The following WDR70 variants were observed in gnomAD, a reference collection of about 807,000 sequenced individuals.
WDR70 encodes the protein WD repeat domain 70, also known as WD repeat-containing protein 70.
A neutral mutation model predicts 88.6 loss-of-function variants in WDR70; 53 were observed. That is an observed-to-expected ratio of 0.60 (90% CI 0.48 to 0.75). The LOEUF (loss-of-function observed/expected upper bound fraction) is 0.75. Among genes scored for constraint, WDR70 ranks in the 30% least tolerant of loss-of-function variants. WDR70 has a pLI of 0.00. For missense variants in WDR70, 610 were observed against 823.2 expected, an observed-to-expected ratio of 0.74 and a Z score of 3.17; for synonymous variants, 280 against 270.0, an observed-to-expected ratio of 1.04 and a Z score of -0.36.
At chr5:37,393,400 C>T (rs911571024) in intron 4 of WDR70, among the ~76,000 whole-genome samples, 1 of 151,746 alleles carries the variant, frequency 6.6e-6, no homozygotes. Flanking sequence ...TTTTTATTTC[C>T]TCTAATAATT....
At chr5:37,392,570 A>G (rs1293120454) in intron 4 of WDR70, among the ~76,000 whole-genome samples, 1 of 152,134 alleles carries the variant, frequency 6.6e-6, no homozygotes, top group African/African-American at 2.4e-5. Context: ...GCTGGTCTCA[A>G]ACTCCTGACA....
chr5:37,559,247 T>C (rs1581392619), intron 9 of WDR70, among the ~76,000 whole-genome samples: 2 of 152,178 alleles, frequency 1.3e-5, no homozygotes, highest in Admixed American at 6.5e-5. Context: ...TGTGTATTCT[T>C]ATGCTACACT....
intron 9 of WDR70, among the ~76,000 whole-genome samples, chr5:37,576,207 T>G (rs1396630111): frequency 6.8e-6 from 1 of 146,920 alleles, no homozygotes; most frequent in East Asian, 2.1e-4. Flanking sequence ...AAGATTCTCC[T>G]CCATCTGGCT....
intron 8 of WDR70, among the ~76,000 whole-genome samples, chr5:37,510,386 A>G (rs1740689373): frequency 6.6e-6 from 1 of 152,198 alleles, no homozygotes. Flanking sequence ...TTTGAAAGTA[A>G]GTTGTAAACG....
intron 6 of WDR70, among the ~76,000 whole-genome samples, chr5:37,440,683 A>C (rs1205178399): frequency 6.6e-6 from 1 of 152,162 alleles, no homozygotes; most frequent in Non-Finnish European, 1.5e-5. Context: ...TACCTCCTTC[A>C]TATCGTTTTG....
In WDR70 at chr5:37,475,031, G is replaced by A. The variant is rs183370543; in HGVS notation, c.687-4803G>A. ...CCTCTCAGATTCCAGTGATTTTCAC[G>A]CCTGAGCCTCCCGAGTAGCTGGGAT... On this transcript the variant is annotated intron_variant, in intron 7 of 17. Coordinates refer to ENST00000265107, the MANE Select transcript of WDR70 (RefSeq NM_018034.4). Among the ~76,000 whole-genome samples, 681 of 151,210 alleles carry A rather than the reference G, an allele frequency of 4.5e-3. 3 individuals carry two copies. The highest frequency in any genetic ancestry group is 7.1e-3 in the Non-Finnish European group (484 of 67,852).
At chr5:37,751,283 G>A (rs554322724) in intron 17 of WDR70, among the ~76,000 whole-genome samples, 4 of 152,286 alleles carry the variant, frequency 2.6e-5, no homozygotes, top group African/African-American at 7.2e-5. Flanking sequence ...GCTGCTTTTC[G>A]AAATTTAAGA....
intron 5 of WDR70, among the ~76,000 whole-genome samples, chr5:37,427,153 G>C (rs557767108): frequency 9.2e-5 from 14 of 152,156 alleles, no homozygotes; most frequent in Non-Finnish European, 1.5e-4. Flanking sequence ...ACTTTGGGAG[G>C]CTGAGGCGGG....
chr5:37,396,312 C>A, intron 4 of WDR70, 63 bp from the exon 5 acceptor site: 1 of 1,467,092 alleles, frequency 6.8e-7, no homozygotes, highest in Non-Finnish European at 9.0e-7. Context: ...GAAATGAATA[C>A]TATTTCCAAA....
At chr5:37,705,053 A>G (rs184219373) in intron 13 of WDR70, among the ~76,000 whole-genome samples, 110 of 152,300 alleles carry the variant, frequency 7.2e-4, no homozygotes, top group African/African-American at 2.6e-3. Flanking sequence ...GTAAAAATAC[A>G]TAGAGATAAA....
intron 10 of WDR70, among the ~76,000 whole-genome samples, chr5:37,666,555 C>T (rs559943897): frequency 2.0e-5 from 3 of 152,126 alleles, no homozygotes; most frequent in African/African-American, 7.2e-5. Context: ...CTAATAGAAC[C>T]CACTATTCTA....
At chr5:37,611,381 G>A (rs1207452048) in intron 10 of WDR70, among the ~76,000 whole-genome samples, 1 of 151,896 alleles carries the variant, frequency 6.6e-6, no homozygotes, top group African/African-American at 2.4e-5. Flanking sequence ...TACTTTTATG[G>A]AGGTTCCCTA....
At chr5:37,404,031 GCA>G (rs1749280269) in intron 5 of WDR70, among the ~76,000 whole-genome samples, 1 of 152,120 alleles carries the variant, frequency 6.6e-6, no homozygotes, top group African/African-American at 2.4e-5. Context: ...GTGAACCTCT[GCA>G]CCCAGCTAAC....
chr5:37,620,010 T>A (rs1375765565), intron 10 of WDR70: 1 of 151,618 alleles, frequency 6.6e-6, no homozygotes. Context: ...TTCACAAATT[T>A]GCATGTCATT....
At chr5:37,414,012 G>A (rs1321873353) in intron 5 of WDR70, among the ~76,000 whole-genome samples, 1 of 151,834 alleles carries the variant, frequency 6.6e-6, no homozygotes, top group East Asian at 1.9e-4. Flanking sequence ...AGGCGTGGTA[G>A]TGCATGCTTG....
intron 5 of WDR70, among the ~76,000 whole-genome samples, chr5:37,410,081 A>G (rs1344273066): frequency 6.6e-6 from 1 of 150,694 alleles, no homozygotes; most frequent in East Asian, 1.9e-4. Flanking sequence ...GGGTTTTGCT[A>G]TGATGCACAG....
chr5:37,704,713 T>C (rs909897547), intron 13 of WDR70, among the ~76,000 whole-genome samples: 3 of 152,202 alleles, frequency 2.0e-5, no homozygotes, highest in Non-Finnish European at 4.4e-5. Flanking sequence ...CTCTTAATAT[T>C]AATTGAATGA....
At chr5:37,649,469 G>T (rs1251421480) in intron 10 of WDR70, among the ~76,000 whole-genome samples, 1 of 149,814 alleles carries the variant, frequency 6.7e-6, no homozygotes, top group Admixed American at 6.7e-5. Flanking sequence ...TGGGATGAGA[G>T]CAAGGGGATT....
At chr5:37,713,537 C>T (rs903684756) in intron 13 of WDR70, among the ~76,000 whole-genome samples, 2 of 151,588 alleles carry the variant, frequency 1.3e-5, no homozygotes, top group Non-Finnish European at 2.9e-5. Context: ...ACATGATTGC[C>T]ATGAATGGCA....
Sources: gnomAD v4.1 joint callset for allele counts (sites outside exome capture counted in the v4.1 genomes callset) on GRCh38, gnomAD v4.1.1 for gene constraint, MANE v1.5 for transcripts, NCBI Gene and HGNC (gene_info 2026-07-23, HGNC 2026-07-21) for gene names.